Variants in OPCML observed in about 807,000 individuals in gnomAD.
OPCML encodes the protein opioid binding protein/cell adhesion molecule like.
In OPCML, 13 loss-of-function variants were observed where a neutral mutation model predicts 37.8. The observed-to-expected ratio is 0.34, with a 90% CI of 0.22 to 0.55. The LOEUF is 0.55. OPCML is among the 20% of genes least tolerant of loss of function. OPCML has a pLI of 0.91. For missense variants in OPCML, 341 were observed against 435.6 expected (o/e 0.78, Z 1.93); for synonymous variants, 176 against 168.8 (o/e 1.04, Z -0.33).
intron 2 of OPCML, among the ~76,000 whole-genome samples, chr11:132,721,656 G>T (rs1485506504): frequency 1.3e-5 from 2 of 152,124 alleles, no homozygotes; most frequent in Non-Finnish European, 2.9e-5. Context: ...GAAGTATGAG[G>T]GATGAAACAA....
intron 2 of OPCML, among the ~76,000 whole-genome samples, chr11:132,703,786 G>A (rs1375609625): frequency 6.6e-6 from 1 of 152,134 alleles, no homozygotes; most frequent in Non-Finnish European, 1.5e-5. Flanking sequence ...GGTCCACAGG[G>A]GTGGGCCTAA....
intron 1 of OPCML, among the ~76,000 whole-genome samples, chr11:132,978,942 A>G (rs1946524713): frequency 6.6e-6 from 1 of 151,510 alleles, no homozygotes; most frequent in South Asian, 2.1e-4. Flanking sequence ...GCAAACCCCA[A>G]CTCCTCATGT....
intron 4 of OPCML, among the ~76,000 whole-genome samples, chr11:132,499,208 C>A (rs1171487994): frequency 3.3e-5 from 5 of 152,154 alleles, no homozygotes; most frequent in Non-Finnish European, 7.3e-5. Flanking sequence ...GGTCCCTCTG[C>A]CAGCCCTAAG....
chr11:132,530,659 A>T (rs994318214), intron 3 of OPCML, among the ~76,000 whole-genome samples: 2 of 151,924 alleles, frequency 1.3e-5, no homozygotes, highest in African/African-American at 4.8e-5. Flanking sequence ...TTCCTCTAAC[A>T]CAGCACATGG....
chr11:132,527,805 G>T (rs912505134), intron 4 of OPCML, among the ~76,000 whole-genome samples: 5 of 152,142 alleles, frequency 3.3e-5, no homozygotes, highest in Admixed American at 6.6e-5. Context: ...AGGTAATCAA[G>T]TTAAAACGAA....
chr11:132,487,060 A>G (rs918625855), intron 4 of OPCML, among the ~76,000 whole-genome samples: 7 of 152,206 alleles, frequency 4.6e-5, no homozygotes, highest in African/African-American at 7.2e-5. Flanking sequence ...TTTGCCATAA[A>G]CCAAAACATT....
intron 1 of OPCML, among the ~76,000 whole-genome samples, chr11:133,043,099 G>T (rs1490853110): frequency 1.3e-5 from 2 of 152,124 alleles, no homozygotes; most frequent in African/African-American, 4.8e-5. Flanking sequence ...GGGCAGCCAG[G>T]TCGGCTCAAG....
At chr11:132,448,044 C>G (rs2096059887) in intron 4 of OPCML, among the ~76,000 whole-genome samples, 3 of 152,194 alleles carry the variant, frequency 2.0e-5, no homozygotes, top group Admixed American at 2.0e-4. Flanking sequence ...CCTGGCAGAC[C>G]AAGTACCAGA....
intron 2 of OPCML, among the ~76,000 whole-genome samples, chr11:132,873,887 T>C (rs1173205775): frequency 1.3e-5 from 2 of 152,188 alleles, no homozygotes; most frequent in Admixed American, 1.3e-4. Context: ...ATTAGTAAGT[T>C]AGTGTTGTAT....
chr11:133,500,073 T>C (rs1384312287), intron 1 of OPCML, among the ~76,000 whole-genome samples: 1 of 151,898 alleles, frequency 6.6e-6, no homozygotes, highest in Non-Finnish European at 1.5e-5. Flanking sequence ...GGTTTCACCA[T>C]CTTGGCCAGG....
intron 2 of OPCML, among the ~76,000 whole-genome samples, chr11:132,717,074 T>C (rs1283031462): frequency 6.6e-6 from 1 of 152,106 alleles, no homozygotes; most frequent in Admixed American, 6.6e-5. Context: ...TAAATAATTA[T>C]GTACAAATAA....
chr11:132,868,062 C>T (rs752404914), intron 2 of OPCML, among the ~76,000 whole-genome samples: 131 of 152,220 alleles, frequency 8.6e-4, no homozygotes, highest in Non-Finnish European at 1.7e-3. Flanking sequence ...ACTCTGAGAG[C>T]GTAAAGTGCT....
At chr11:133,247,358 A>G (rs7129525) in intron 1 of OPCML, among the ~76,000 whole-genome samples, 100,499 of 152,002 alleles carry the variant, frequency 0.66, 35,013 homozygotes, top group East Asian at 0.91. Flanking sequence ...CACCTACTAT[A>G]TATCCTAGGA....
chr11:132,683,331 C>T (rs373089008), intron 2 of OPCML, among the ~76,000 whole-genome samples: 2 of 152,024 alleles, frequency 1.3e-5, no homozygotes, highest in Non-Finnish European at 2.9e-5. Context: ...GCCATGGTTG[C>T]GCCACTGCAC....
At chr11:133,068,027 A>G (rs1667537274) in intron 1 of OPCML, 1 of 152,212 alleles carries the variant, frequency 6.6e-6, no homozygotes, top group Admixed American at 6.5e-5. Flanking sequence ...AATTTTAACA[A>G]TAATAATGCA....
chr11:132,804,980 G>A (rs941792466), intron 2 of OPCML, among the ~76,000 whole-genome samples: 1 of 152,098 alleles, frequency 6.6e-6, no homozygotes, highest in Admixed American at 6.6e-5. Context: ...ATTTAAAGCA[G>A]CCATTATAAA....
chr11:132,616,322 G>A (rs1480346648), intron 3 of OPCML, among the ~76,000 whole-genome samples: 1 of 152,170 alleles, frequency 6.6e-6, no homozygotes, highest in African/African-American at 2.4e-5. Context: ...AAAATGTATA[G>A]CTGGCACTAT....
chr11:133,141,347 C>T (rs947623294), intron 1 of OPCML, among the ~76,000 whole-genome samples: 2 of 152,080 alleles, frequency 1.3e-5, no homozygotes, highest in African/African-American at 4.8e-5. Flanking sequence ...CTCTCCCTCT[C>T]CCTTTGGTTT....
rs111843037 is a variant in OPCML at position 132,920,248 on chromosome 11, T to C, written c.146+22678A>G. Among the ~76,000 whole-genome samples the C allele has an allele frequency of 2.8e-3, 429 of 152,334 alleles. 2 individuals are homozygous for C. The highest frequency in any genetic ancestry group is 3.5e-3 in the Non-Finnish European group (238 of 68,028). On this transcript the variant is annotated intron_variant, in intron 2 of 7. Transcript: ENST00000524381. ...GAAACATTTCATAGGCCAAAAGCTA[T>C]GCTGCAAAGACCTGGGAGTCTAACG...
Sources: gnomAD v4.1 joint callset for allele counts (sites outside exome capture counted in the v4.1 genomes callset) on GRCh38, gnomAD v4.1.1 for gene constraint, MANE v1.5 for transcripts, NCBI Gene and HGNC (gene_info 2026-07-23, HGNC 2026-07-21) for gene names.